The following GARNL3 variants were observed in gnomAD, a reference collection of about 807,000 sequenced individuals.
The protein encoded by GARNL3 is GTPase-activating Rap/Ran-GAP domain-like protein 3.
GARNL3 carries 63 observed loss-of-function variants against 125.0 expected under a neutral mutation model. That is an observed-to-expected ratio of 0.50 (90% CI 0.41 to 0.62). GARNL3 has a LOEUF of 0.62. Ranked by LOEUF, GARNL3 falls within the 20% of genes least tolerant of loss-of-function variation. The pLI is 0.00. For missense variants in GARNL3, 994 were observed against 1,244.0 expected (o/e 0.80, Z 3.02); for synonymous variants, 439 against 457.5 (o/e 0.96, Z 0.52).
At chr9:127,281,761 T>C (rs2064111774) in intron 1 of GARNL3, among the ~76,000 whole-genome samples, 1 of 152,242 alleles carries the variant, frequency 6.6e-6, no homozygotes, top group South Asian at 2.1e-4. Flanking sequence ...ATGCCTTTTC[T>C]CACCCCCTCT....
chr9:127,336,066 A>G (rs1588881498), intron 10 of GARNL3, 62 bp from the exon 11 acceptor site: 2 of 1,210,938 alleles, frequency 1.7e-6, no homozygotes, highest in Admixed American at 1.8e-5. Flanking sequence ...ATGTTTTTTT[A>G]ACTCTGTGAA....
At chr9:127,350,644 C>T (rs1250070040) in intron 17 of GARNL3, among the ~76,000 whole-genome samples, 8 of 151,800 alleles carry the variant, frequency 5.3e-5, no homozygotes, top group African/African-American at 1.2e-4. Context: ...GATGTGGTGG[C>T]GGATGCCTGT....
intron 9 of GARNL3, 80 bp downstream of exon 9, chr9:127,333,201 C>G: frequency 9.0e-7 from 1 of 1,108,212 alleles, no homozygotes; most frequent in Non-Finnish European, 1.4e-6. Flanking sequence ...GAACTTATAC[C>G]AGAGAAGGGG....
At position 127,365,369 on chromosome 9, in the gene GARNL3, A is replaced by G. The variant is rs1411666739; in HGVS notation, c.2161+3A>G. The G allele has an allele frequency of 6.2e-7, 1 of 1,609,360 alleles. No homozygotes were observed. Among genetic ancestry groups the G allele is most frequent in the African/African-American group, 1.3e-5 (1 of 74,892 alleles). Reference sequence around the variant, plus strand: ...TGGTTTGCTGTTGTGTTACAACTGTAAGTTAAGGATGTGCTTTTATCTTTA... The same window carrying G: ...TGGTTTGCTGTTGTGTTACAACTGTGAGTTAAGGATGTGCTTTTATCTTTA... On this transcript the variant is annotated splice_donor_region_variant and intron_variant, in intron 22 of 27. Transcript: ENST00000373387.
upstream of GARNL3, among the ~76,000 whole-genome samples, chr9:127,261,407 GTTT>G (rs377048911): frequency 8.5e-6 from 1 of 117,138 alleles, no homozygotes; most frequent in Admixed American, 8.8e-5. Flanking sequence ...TTTTTTGTTG[GTTT>G]TTTTTTTTTT....
chr9:127,232,908 C>G (rs2063044928), intron 1 of GARNL3, among the ~76,000 whole-genome samples: 1 of 152,164 alleles, frequency 6.6e-6, no homozygotes, highest in Non-Finnish European at 1.5e-5. Flanking sequence ...TATAGGACTG[C>G]TTTCTCAATA....
chr9:127,365,287 G>C lies in GARNL3; in HGVS notation c.2095-13G>C. ...TCCAGCCTGCCCACTACCGTTGCCC[G>C]TTATCATTGCAGGTTAATTTTGTTG... On this transcript the variant is annotated splice_polypyrimidine_tract_variant and intron_variant, in intron 21 of 27. Coordinates refer to ENST00000373387, the MANE Select transcript of GARNL3 (RefSeq NM_032293.5). The C allele has an allele frequency of 6.2e-7, 1 of 1,611,498 alleles. No individual in the cohort carries two copies. Among genetic ancestry groups the C allele is most frequent in the Non-Finnish European group, 8.5e-7 (1 of 1,177,688 alleles).
At chr9:127,335,357 C>A in intron 10 of GARNL3, 24 bp downstream of exon 10, 1 of 1,502,090 alleles carries the variant, frequency 6.7e-7, no homozygotes, top group Non-Finnish European at 9.3e-7. Context: ...TACAAACCAT[C>A]AAATAGTGAT....
At chr9:127,312,335 A>G (rs2065119637) in intron 3 of GARNL3, among the ~76,000 whole-genome samples, 1 of 152,092 alleles carries the variant, frequency 6.6e-6, no homozygotes, top group Non-Finnish European at 1.5e-5. Context: ...GCTACTCTCC[A>G]TTTCTCTGAG....
At chr9:127,353,427 T>C (rs1011729575) in intron 17 of GARNL3, 3 of 191,722 alleles carry the variant, frequency 1.6e-5, no homozygotes, top group African/African-American at 7.2e-5. Context: ...TAAGATATAA[T>C]GCAATTTCAA....
chr9:127,355,021 G>A (rs778999320), intron 19 of GARNL3, among the ~76,000 whole-genome samples: 37 of 152,226 alleles, frequency 2.4e-4, no homozygotes, highest in Admixed American at 4.6e-4. Flanking sequence ...TCGAATTCCC[G>A]ACCTCAGGTT....
At chr9:127,264,157 C>T, upstream of GARNL3, 1 of 509,726 alleles carries the variant, frequency 2.0e-6, no homozygotes, top group Admixed American at 3.7e-5. Context: ...TTGTGGATCT[C>T]ATGTGGTTTC....
At chr9:127,244,585 A>G (rs1487023666) in intron 2 of GARNL3, among the ~76,000 whole-genome samples, 1 of 152,204 alleles carries the variant, frequency 6.6e-6, no homozygotes, top group Admixed American at 6.5e-5. Context: ...GTAGACGTTG[A>G]GAAACGCTGC....
Position 127,348,988 on chromosome 9 carries a change from G to T in GARNL3, c.1496G>T (p.Gly499Val), listed in dbSNP as rs1413182328. ...PHEAVCADPW[G>V]QALLVSTDAG... ...GAAGCCGTGTGTGCAGATCCCTGGG[G>T]CCAGGCCTTGCTGGTTTCCACTGAT... The change falls in exon 17 of 28, where the codon GGC (glycine) becomes GTC (valine). Residue 499 changes from glycine to valine, a missense_variant. Gly to Val is a moderately radical substitution (Grantham distance 109). This residue lies in a region of GARNL3 where 728 missense variants were observed against 865.7 expected (regional missense o/e 0.84). Transcript: ENST00000373387. 4.3e-6 allele frequency: 7 copies of T among 1,614,032 alleles called. No individual in the cohort carries two copies. Among genetic ancestry groups the T allele is most frequent in the Non-Finnish European group, 5.1e-6 (6 of 1,179,974 alleles).
intron 1 of GARNL3, among the ~76,000 whole-genome samples, chr9:127,284,842 A>G (rs1329676831): frequency 6.6e-6 from 1 of 151,902 alleles, no homozygotes. Context: ...TTATATATGC[A>G]TATATTTAAA....
rs186876475 is a variant in GARNL3, at chr9:127,314,745, T to A, written c.438+1186T>A. 2.6e-5 allele frequency among the ~76,000 whole-genome samples: 4 copies of A among 152,298 alleles called. No homozygotes were observed. In the East Asian group the frequency reaches 5.8e-4, roughly 22 times the overall value. ...AATGCAGGGGGAACATTTGCTTATT[T>A]TAATTTCCAAAGATACTGTCTATAT... is the stretch of plus-strand genomic sequence containing the variant. On this transcript the variant is annotated intron_variant, in intron 4 of 27. Coordinates refer to ENST00000373387, the MANE Select transcript of GARNL3 (RefSeq NM_032293.5).
chr9:127,382,469 G>A (rs1050540108), intron 22 of GARNL3, among the ~76,000 whole-genome samples: 1 of 151,956 alleles, frequency 6.6e-6, no homozygotes, highest in African/African-American at 2.4e-5. Flanking sequence ...AAAATTAGCT[G>A]GGTGTGCTGG....
intron 1 of GARNL3, among the ~76,000 whole-genome samples, chr9:127,277,891 T>G (rs2063998214): frequency 6.6e-6 from 1 of 152,178 alleles, no homozygotes; most frequent in African/African-American, 2.4e-5. Flanking sequence ...TATTTTACAT[T>G]GTCATTATTT....
intron 1 of GARNL3, among the ~76,000 whole-genome samples, chr9:127,267,783 C>T (rs551309202): frequency 1.3e-5 from 2 of 152,292 alleles, no homozygotes; most frequent in Admixed American, 1.3e-4. Context: ...TTTTCTTATG[C>T]CTGCTGTGAT....
Sources: allele counts gnomAD v4.1 joint callset (sites outside exome capture counted in the v4.1 genomes callset), GRCh38; gene constraint gnomAD v4.1.1; regional missense constraint gnomAD v4.1.1; transcripts MANE v1.5; gene names NCBI Gene and HGNC (gene_info 2026-07-23, HGNC 2026-07-21).